Variants in WNT7B observed in about 807,000 individuals in gnomAD.
WNT7B encodes the protein Wnt family member 7B.
A neutral mutation model predicts 38.2 loss-of-function variants in WNT7B; 19 were observed. The observed-to-expected ratio is 0.50, with a 90% CI of 0.35 to 0.73. The LOEUF (loss-of-function observed/expected upper bound fraction) is 0.73, where lower values mean the gene tolerates loss of function less well. Among genes scored for constraint, WNT7B ranks in the 30% least tolerant of loss-of-function variants. WNT7B has a pLI of 0.01. For missense variants in WNT7B, 423 were observed against 507.9 expected (o/e 0.83, Z 1.61); for synonymous variants, 243 against 209.3 (o/e 1.16, Z -1.39).
At position 45,976,713 on chromosome 22, in the gene WNT7B, G is replaced by A; in HGVS notation, c.42C>T (p.Leu14=). The A allele has an allele frequency of 6.2e-7, 1 of 1,610,438 alleles. No individual in the cohort carries two copies. ...NFRKWIFYVF[L]CFGVLYVKLG... ...GCTTCACGTACAGGACGCCAAAGCA[G>A]AGAAACACGTAGAAAATCCACTTGC... Residue 14 remains leucine (L), a synonymous_variant, in exon 1 of 4, where the codon CTC becomes CTT. Transcript: ENST00000339464. This position sits in a 1 kb window ranked among gnomAD's most constrained non-coding sequence, Gnocchi z 8.5.
At chr22:45,957,499 C>T (rs1932093879) in intron 1 of WNT7B, among the ~76,000 whole-genome samples, 1 of 151,764 alleles carries the variant, frequency 6.6e-6, no homozygotes, top group South Asian at 2.1e-4. Flanking sequence ...GCCTAGCCAA[C>T]ATGGTGAAAC....
At chr22:45,971,640 G>GC (rs1356005657) in intron 1 of WNT7B, among the ~76,000 whole-genome samples, 1 of 152,244 alleles carries the variant, frequency 6.6e-6, no homozygotes, top group Non-Finnish European at 1.5e-5. Context: ...GGCGCGAGAA[G>GC]CCGCAGCGAC....
In WNT7B at chr22:45,922,919, G is replaced by A. The variant is rs140985097; in HGVS notation, c.987C>T (p.His329=). The part of the protein sequence containing the change: ...TKVWQCNCKF[H]WCCFVKCNTC... Reference sequence around the variant, plus strand: ...TGTTGCACTTGACGAAGCAGCACCAGTGGAATTTGCAGTTGCACTGCCACA... The same window carrying A: ...TGTTGCACTTGACGAAGCAGCACCAATGGAATTTGCAGTTGCACTGCCACA... Residue 329 remains histidine (H), a synonymous_variant, in exon 4 of 4, where the codon CAC becomes CAT. Coordinates refer to ENST00000339464, the MANE Select transcript of WNT7B (RefSeq NM_058238.3). The A allele has an allele frequency of 1.2e-6, 2 of 1,612,658 alleles. No homozygotes were observed. The highest frequency in any genetic ancestry group is 1.7e-6 in the Non-Finnish European group (2 of 1,179,338).
chr22:45,939,542 C>G (rs73175063), intron 2 of WNT7B, among the ~76,000 whole-genome samples: 9,742 of 152,118 alleles, frequency 0.064, 417 homozygotes, highest in East Asian at 0.18. Flanking sequence ...GCCTGTAGTC[C>G]CAACACTTTG....
intron 1 of WNT7B, among the ~76,000 whole-genome samples, chr22:45,963,510 C>T (rs1301043585): frequency 3.9e-5 from 6 of 152,134 alleles, no homozygotes; most frequent in South Asian, 2.1e-4. Flanking sequence ...CCACGGCGAG[C>T]CCCCAGTTGG....
intron 2 of WNT7B, among the ~76,000 whole-genome samples, chr22:45,940,679 C>T (rs1931623060): frequency 6.6e-6 from 1 of 152,346 alleles, no homozygotes; most frequent in African/African-American, 2.4e-5. Flanking sequence ...GGGAGCGGCT[C>T]ACAGACAGTG....
rs1932293895 is a variant in WNT7B, at chr22:45,965,554, G to T, written c.71+11130C>A. Among the ~76,000 whole-genome samples the T allele has an allele frequency of 6.6e-6, 1 of 152,082 alleles. No homozygotes were observed. Among genetic ancestry groups the T allele is most frequent in the Non-Finnish European group, 1.5e-5 (1 of 68,006 alleles). On this transcript the variant is annotated intron_variant, in intron 1 of 3. Coordinates refer to ENST00000339464, the MANE Select transcript of WNT7B (RefSeq NM_058238.3). This position sits in a 1 kb window ranked among gnomAD's most constrained non-coding sequence, Gnocchi z 6.5. ...AAACTGAGGCCCAGAGAAGGGGAGG[G>T]ATACCCTCAAGGTTGCCGCAAGCCC...
chr22:45,952,144 G>A (rs1048917567), intron 1 of WNT7B, among the ~76,000 whole-genome samples: 2 of 152,236 alleles, frequency 1.3e-5, no homozygotes, highest in Non-Finnish European at 2.9e-5. Context: ...ACCGCCGGGG[G>A]CTCCCCGAAG....
At chr22:45,956,510 T>C (rs560412039) in intron 1 of WNT7B, among the ~76,000 whole-genome samples, 2 of 152,298 alleles carry the variant, frequency 1.3e-5, no homozygotes, top group Non-Finnish European at 2.9e-5. Context: ...CGTCAGCCAC[T>C]GCACCCACCA....
At chr22:45,947,801 T>C (rs1025733432) in intron 2 of WNT7B, among the ~76,000 whole-genome samples, 10 of 152,160 alleles carry the variant, frequency 6.6e-5, no homozygotes, top group Non-Finnish European at 5.9e-5. Flanking sequence ...TGTTTGCTTC[T>C]GAAACGCTCG....
chr22:45,929,142 G>A (rs1050306444), intron 3 of WNT7B, among the ~76,000 whole-genome samples: 6 of 152,154 alleles, frequency 3.9e-5, no homozygotes, highest in Non-Finnish European at 7.4e-5. Flanking sequence ...TGGTTCCCAC[G>A]AGGGCTCAGC....
rs544656485 is a variant in WNT7B at position 45,938,082 on chromosome 22, C to T, written c.299-6713G>A. ...CTCAATTAGAAAGGACAAAGACTAA[C>T]GGGTGAAGGGATAAAGAAAAGGTGG... On this transcript the variant is annotated intron_variant, in intron 2 of 3. Transcript: ENST00000339464. Among the ~76,000 whole-genome samples the T allele has an allele frequency of 2.0e-4, 30 of 152,056 alleles. No homozygotes were observed. The South Asian group carries it at 2.9e-3, about 15-fold the overall frequency.
rs532433962 is a variant in WNT7B at position 45,948,036 on chromosome 22, GAGC to G, written c.298+1881_298+1883del. The stretch of plus-strand genomic sequence containing the variant: ...AAGTCCAAGCTCCCAGCCCTCTGTC[GAGC>G]AGCAGGACGATTTCCACGTCTGCCC... On this transcript the variant is annotated intron_variant, in intron 2 of 3. Transcript: ENST00000339464. 6.6e-5 allele frequency among the ~76,000 whole-genome samples: 10 copies of G among 152,308 alleles called. No individual in the cohort carries two copies. The South Asian group carries it at 1.5e-3, about 22-fold the overall frequency.
In WNT7B at chr22:45,932,416, A is replaced by ACCCC. The variant is rs35323637; in HGVS notation, c.299-1051_299-1048dup. ...CTCCCTGTCCAGGCAGCCTTCCCAG[A>ACCCC]CCCCCCCCGCCAGAAGGGAGCACTT... On this transcript the variant is annotated intron_variant, in intron 2 of 3. Transcript: ENST00000339464. 2.2e-3 allele frequency among the ~76,000 whole-genome samples: 318 copies of ACCCC among 142,670 alleles called. 2 individuals carry two copies. The highest frequency in any genetic ancestry group is 6.4e-3 in the African/African-American group (250 of 38,992). The allele number at this position is 142,670 out of a possible 152,430, so 93.6% of individuals were successfully genotyped here.
chr22:45,927,359 AGGGCGGGGGCG>A (rs997418249), intron 3 of WNT7B: 10 of 1,478,064 alleles, frequency 6.8e-6, no homozygotes, highest in Middle Eastern at 2.4e-4. Context: ...AAGTGGGGGC[AGGGCGGGGGCG>A]GGCCTCCAGA....
At chr22:45,943,298 A>G (rs150361603) in intron 2 of WNT7B, among the ~76,000 whole-genome samples, 1,829 of 152,336 alleles carry the variant, frequency 0.012, 15 homozygotes, top group Middle Eastern at 0.027. Context: ...TGCCGTTGTC[A>G]TAAACAGATC....
intron 2 of WNT7B, among the ~76,000 whole-genome samples, chr22:45,933,468 G>A (rs914712178): frequency 6.6e-6 from 1 of 152,184 alleles, no homozygotes; most frequent in African/African-American, 2.4e-5. Flanking sequence ...GCCCATGCAT[G>A]AGGTGTGAAG....
At chr22:45,964,050 C>G (rs1403116212) in intron 1 of WNT7B, among the ~76,000 whole-genome samples, 1 of 152,108 alleles carries the variant, frequency 6.6e-6, no homozygotes, top group South Asian at 2.1e-4. Context: ...CAGCCCTCAG[C>G]CCAGTGCCCC....
chr22:45,972,518 CGTCT>C (rs1294216678), intron 1 of WNT7B: 1 of 171,896 alleles, frequency 5.8e-6, no homozygotes, highest in Non-Finnish European at 1.2e-5. Flanking sequence ...GACCTCCGTC[CGTCT>C]GTCGGTGCGA....
Sources: gnomAD v4.1 joint callset for allele counts (sites outside exome capture counted in the v4.1 genomes callset) on GRCh38, gnomAD v4.1.1 for gene constraint, Gnocchi (gnomAD v3.1) non-coding constraint, MANE v1.5 for transcripts, NCBI Gene and HGNC (gene_info 2026-07-23, HGNC 2026-07-21) for gene names.